The following CDK15 variants were observed in gnomAD, a reference collection of about 807,000 sequenced individuals.
CDK15 encodes the protein cyclin dependent kinase 15.
CDK15 carries 62 observed loss-of-function variants against 60.3 expected under a neutral mutation model. The observed-to-expected ratio is 1.03, with a 90% CI of 0.84 to 1.27. CDK15 has a LOEUF of 1.27. Among genes scored for constraint, CDK15 ranks in the 50% most tolerant of loss-of-function variants. CDK15 has a pLI of 0.00. For missense variants in CDK15, 541 were observed against 527.8 expected (o/e 1.03, Z -0.25); for synonymous variants, 194 against 195.7 (o/e 0.99, Z 0.07).
intron 9 of CDK15, among the ~76,000 whole-genome samples, chr2:201,851,744 C>A (rs1384722873): frequency 6.6e-6 from 1 of 152,124 alleles, no homozygotes; most frequent in African/African-American, 2.4e-5. Flanking sequence ...ATTGCAACCT[C>A]CACCTCCTGG....
At chr2:201,825,279 C>T (rs1417738216) in intron 6 of CDK15, among the ~76,000 whole-genome samples, 1 of 143,928 alleles carries the variant, frequency 6.9e-6, no homozygotes, top group African/African-American at 2.6e-5. Flanking sequence ...CACCAATGCA[C>T]TGTAGCCTGG....
At chr2:201,827,641 T>C (rs1020990764) in intron 6 of CDK15, among the ~76,000 whole-genome samples, 1 of 152,188 alleles carries the variant, frequency 6.6e-6, no homozygotes, top group Non-Finnish European at 1.5e-5. Context: ...GAGTCTCTTT[T>C]TGTTACCCAG....
At chr2:201,840,604 C>T (rs758067391) in intron 8 of CDK15, among the ~76,000 whole-genome samples, 3 of 152,066 alleles carry the variant, frequency 2.0e-5, no homozygotes, top group Non-Finnish European at 2.9e-5. Flanking sequence ...GCAAATTCTT[C>T]GTTTTTGTTT....
intron 9 of CDK15, 65 bp from the exon 10 acceptor site, chr2:201,854,809 A>C: frequency 9.9e-6 from 14 of 1,407,092 alleles, no homozygotes; most frequent in Non-Finnish European, 1.3e-5. Flanking sequence ...GCATGTCTCC[A>C]TACCTCTTCC....
At position 201,889,691 on chromosome 2, in the gene CDK15, G is replaced by GTA. The variant is rs1415676575; in HGVS notation, c.1199-1086_1199-1085dup. ...ATACCTGATTTGGACATCAAAGGTA[G>GTA]TATATATATTTTCAAATAGTTTTTT... On this transcript the variant is annotated intron_variant, in intron 12 of 13. Transcript: ENST00000652192. 2.6e-5 allele frequency among the ~76,000 whole-genome samples: 4 copies of GTA among 152,032 alleles called. No individual in the cohort carries two copies. The East Asian group carries it at 7.7e-4, about 29-fold the overall frequency.
At chr2:201,809,192 G>A (rs1559111671) in intron 3 of CDK15, among the ~76,000 whole-genome samples, 1 of 152,246 alleles carries the variant, frequency 6.6e-6, no homozygotes, top group East Asian at 1.9e-4. Flanking sequence ...AAGGTGGCTC[G>A]GAACGGGGGC....
chr2:201,865,164 C>CT (rs1698569166), intron 10 of CDK15, among the ~76,000 whole-genome samples: 1 of 152,176 alleles, frequency 6.6e-6, no homozygotes, highest in South Asian at 2.1e-4. Flanking sequence ...AGCTCATTGG[C>CT]TGCATGTGGT....
Position 201,834,150 on chromosome 2 carries a change from C to T in CDK15, c.730+179C>T, listed in dbSNP as rs1696904591. 2.0e-5 allele frequency among the ~76,000 whole-genome samples: 3 copies of T among 152,290 alleles called. No individual in the cohort carries two copies. The South Asian group carries it at 6.2e-4, about 32-fold the overall frequency. On this transcript the variant is annotated intron_variant, in intron 7 of 13. Coordinates refer to ENST00000652192, the MANE Select transcript of CDK15 (RefSeq NM_001366386.2). ...GCACGAAACAGGGAGGGATTGGTAG[C>T]TTTCTAGGATTCCACCAAGTCCCAG...
intron 11 of CDK15, among the ~76,000 whole-genome samples, chr2:201,877,964 ATG>A (rs1699141642): frequency 6.6e-6 from 1 of 152,234 alleles, no homozygotes; most frequent in African/African-American, 2.4e-5. Flanking sequence ...TCTCTGCATC[ATG>A]GCACCTGGAA....
At chr2:201,822,589 T>C (rs985655507) in intron 4 of CDK15, among the ~76,000 whole-genome samples, 2 of 152,234 alleles carry the variant, frequency 1.3e-5, no homozygotes, top group African/African-American at 4.8e-5. Context: ...GCAACCACTC[T>C]AGCCTGTAGA....
chr2:201,848,808 T>C (rs1014133431), intron 9 of CDK15, among the ~76,000 whole-genome samples: 1 of 152,090 alleles, frequency 6.6e-6, no homozygotes, highest in Admixed American at 6.6e-5. Context: ...TAAAATAAAA[T>C]GTACTTTGTG....
At chr2:201,867,293 C>T (rs985319032) in intron 10 of CDK15, among the ~76,000 whole-genome samples, 2 of 152,132 alleles carry the variant, frequency 1.3e-5, no homozygotes, top group Admixed American at 6.5e-5. Flanking sequence ...AGGTCCTCTG[C>T]CTTAGCTCCT....
rs1455522003 is a variant in CDK15, at chr2:201,871,856, C to T, written c.1010-422C>T. The stretch of plus-strand genomic sequence containing the variant: ...TCCCTCTCCTTGGCTTGTTGATGGT[C>T]GTCTTCTCCTTGAGTCTCTTCGCCT... On this transcript the variant is annotated intron_variant, in intron 10 of 13. Transcript: ENST00000652192. 2.6e-5 allele frequency among the ~76,000 whole-genome samples: 4 copies of T among 151,898 alleles called. No individual in the cohort carries two copies. The East Asian group carries it at 5.8e-4, about 22-fold the overall frequency.
At chr2:201,865,189 T>C (rs1331696492) in intron 10 of CDK15, among the ~76,000 whole-genome samples, 3 of 152,206 alleles carry the variant, frequency 2.0e-5, no homozygotes, top group African/African-American at 7.2e-5. Context: ...CTTCAATATT[T>C]GTGGAGACTA....
At chr2:201,833,713 CTTCTT>C (rs1559124051) in intron 6 of CDK15, 130 bp from the exon 7 acceptor site, 8,053 of 441,238 alleles carry the variant, frequency 0.018, no homozygotes, top group Non-Finnish European at 0.022. Flanking sequence ...TCTTCTTCTT[CTTCTT>C]TTTTTTTTTT....
At chr2:201,866,084 G>T (rs904769387) in intron 10 of CDK15, among the ~76,000 whole-genome samples, 16 of 151,414 alleles carry the variant, frequency 1.1e-4, no homozygotes, top group African/African-American at 3.6e-4. Context: ...GAGAAAAAGA[G>T]TTACAGATTT....
intron 11 of CDK15, 143 bp from the exon 12 acceptor site, chr2:201,879,885 C>A: frequency 1.8e-6 from 2 of 1,105,404 alleles, no homozygotes; most frequent in Non-Finnish European, 2.5e-6. Flanking sequence ...TTTCCAGTTG[C>A]CATCAACTTT....
intron 4 of CDK15, among the ~76,000 whole-genome samples, chr2:201,817,814 C>T (rs1048754247): frequency 2.0e-5 from 3 of 152,176 alleles, no homozygotes; most frequent in African/African-American, 7.2e-5. Context: ...CTTTATAAAA[C>T]AAAATAATGC....
chr2:201,884,587 T>G (rs1699393211), intron 12 of CDK15, among the ~76,000 whole-genome samples: 1 of 152,222 alleles, frequency 6.6e-6, no homozygotes, highest in East Asian at 1.9e-4. Context: ...TATTGGAAGG[T>G]CCCTATGATA....
Sources: gnomAD v4.1 joint callset for allele counts (sites outside exome capture counted in the v4.1 genomes callset) on GRCh38, gnomAD v4.1.1 for gene constraint, MANE v1.5 for transcripts, NCBI Gene and HGNC (gene_info 2026-07-23, HGNC 2026-07-21) for gene names.